The following THSD7B variants were observed in gnomAD, a reference collection of about 807,000 sequenced individuals.
The protein encoded by THSD7B is thrombospondin type 1 domain containing 7B, also known as thrombospondin type-1 domain-containing protein 7B.
In THSD7B, 138 loss-of-function variants were observed where a neutral mutation model predicts 213.6. The observed-to-expected ratio is 0.65, with a 90% CI of 0.56 to 0.74. The LOEUF is 0.74. Ranked by LOEUF, THSD7B falls within the 30% of genes least tolerant of loss-of-function variation. THSD7B has a pLI of 0.00. For missense variants in THSD7B, 1,931 were observed against 1,991.5 expected (o/e 0.97, Z 0.58); for synonymous variants, 742 against 687.0 (o/e 1.08, Z -1.25).
intron 1 of THSD7B, among the ~76,000 whole-genome samples, chr2:136,858,200 A>G (rs1683204337): frequency 6.6e-6 from 1 of 152,202 alleles, no homozygotes; most frequent in African/African-American, 2.4e-5. Flanking sequence ...TAAAGCGATG[A>G]TTATTAAATA....
chr2:137,139,407 G>C (rs1405497437), intron 5 of THSD7B, among the ~76,000 whole-genome samples: 3 of 152,154 alleles, frequency 2.0e-5, no homozygotes, highest in African/African-American at 7.2e-5. Flanking sequence ...ACACATTTCT[G>C]AGGCAATTTG....
intron 13 of THSD7B, among the ~76,000 whole-genome samples, chr2:137,407,048 A>T (rs1334837285): frequency 6.6e-6 from 1 of 152,192 alleles, no homozygotes; most frequent in East Asian, 1.9e-4. Flanking sequence ...TTCCCTGTAG[A>T]GGAAAGGGAA....
intron 2 of THSD7B, among the ~76,000 whole-genome samples, chr2:137,005,490 G>T (rs1435161330): frequency 6.6e-6 from 1 of 152,164 alleles, no homozygotes; most frequent in Non-Finnish European, 1.5e-5. Flanking sequence ...GATCTTTAAT[G>T]TGCATAGCTC....
chr2:137,236,849 GC>G (rs1436073410), intron 9 of THSD7B, among the ~76,000 whole-genome samples: 3 of 152,274 alleles, frequency 2.0e-5, no homozygotes, highest in Middle Eastern at 3.4e-3. Context: ...GGTGGCTCAT[GC>G]CTGTAATCCC....
intron 10 of THSD7B, among the ~76,000 whole-genome samples, chr2:137,263,941 G>A (rs939242569): frequency 1.3e-5 from 2 of 152,132 alleles, no homozygotes; most frequent in Admixed American, 6.5e-5. Context: ...TAAATACAAA[G>A]TTCATATTAT....
At chr2:136,825,244 C>CATTTAATGGTA (rs946678683) in intron 1 of THSD7B, among the ~76,000 whole-genome samples, 4 of 152,150 alleles carry the variant, frequency 2.6e-5, no homozygotes, top group African/African-American at 9.7e-5. Flanking sequence ...AATTACCACA[C>CATTTAATGGTA]ATTTAATGGT....
intron 2 of THSD7B, among the ~76,000 whole-genome samples, chr2:137,036,839 A>C (rs1415194061): frequency 1.3e-5 from 2 of 152,178 alleles, no homozygotes; most frequent in East Asian, 3.9e-4. Context: ...GCTGGGCTGA[A>C]CCTTTCTCTG....
At position 137,063,100 on chromosome 2, in the gene THSD7B, A is replaced by G. The variant is rs1687309152; in HGVS notation, c.950+5870A>G. 3.3e-5 allele frequency among the ~76,000 whole-genome samples: 5 copies of G among 150,334 alleles called. No homozygotes were observed. In the South Asian group the frequency reaches 1.0e-3, roughly 31 times the overall value. ...CAATTTTCTTTGCTCTAAATTCTCC[A>G]TTGTCTGGAATTATGATACCTACTC... is the stretch of plus-strand genomic sequence containing the variant. On this transcript the variant is annotated intron_variant, in intron 3 of 27. Transcript: ENST00000409968.
chr2:137,163,231 A>G (rs1680053960), intron 6 of THSD7B, among the ~76,000 whole-genome samples: 1 of 152,156 alleles, frequency 6.6e-6, no homozygotes, highest in Non-Finnish European at 1.5e-5. Context: ...CATTCATAAG[A>G]CACCACTTGC....
At position 137,127,558 on chromosome 2, in the gene THSD7B, G is replaced by A. The variant is rs554182881; in HGVS notation, c.1369+12265G>A. Among the ~76,000 whole-genome samples, 3 of 152,246 alleles carry A rather than the reference G, an allele frequency of 2.0e-5. 1 individual carries two copies. The highest frequency in any genetic ancestry group is 7.2e-5 in the African/African-American group (3 of 41,548). On this transcript the variant is annotated intron_variant, in intron 5 of 27. Transcript: ENST00000409968. ...TCTAATTCTAACCTTCTGCTGGTGG[G>A]CTACCTGATTTGGGCTTCAATTTGT... is the stretch of plus-strand genomic sequence containing the variant.
intron 1 of THSD7B, among the ~76,000 whole-genome samples, chr2:136,807,509 G>A (rs796813123): frequency 6.7e-5 from 7 of 104,896 alleles, no homozygotes; most frequent in Non-Finnish European, 1.3e-4. Flanking sequence ...AAAATGTTTC[G>A]TTTTTTTTTT....
chr2:137,643,741 AG>A (rs1380569259), intron 21 of THSD7B, among the ~76,000 whole-genome samples: 1 of 152,176 alleles, frequency 6.6e-6, no homozygotes, highest in African/African-American at 2.4e-5. Flanking sequence ...AAGCCATTTC[AG>A]GGGAAGGGAG....
intron 10 of THSD7B, among the ~76,000 whole-genome samples, chr2:137,244,864 G>A (rs1681989685): frequency 6.6e-6 from 1 of 152,192 alleles, no homozygotes; most frequent in East Asian, 1.9e-4. Flanking sequence ...CACTATAAGA[G>A]GGGGAAAAAT....
intron 16 of THSD7B, among the ~76,000 whole-genome samples, chr2:137,568,537 AAG>A (rs1681287429): frequency 6.6e-6 from 1 of 152,192 alleles, no homozygotes; most frequent in African/African-American, 2.4e-5. Context: ...TTATAAAAGA[AAG>A]AGATTTAGTT....
intron 2 of THSD7B, among the ~76,000 whole-genome samples, chr2:137,021,009 G>C (rs1029906472): frequency 6.6e-6 from 1 of 152,198 alleles, no homozygotes; most frequent in Admixed American, 6.5e-5. Flanking sequence ...TCTGTAAGCA[G>C]TTTGTCACAA....
intron 15 of THSD7B, among the ~76,000 whole-genome samples, chr2:137,547,416 C>T (rs1346166181): frequency 6.6e-6 from 1 of 151,926 alleles, no homozygotes; most frequent in Non-Finnish European, 1.5e-5. Flanking sequence ...TACATTTATA[C>T]TTTTCTACAG....
In THSD7B at chr2:137,411,770, C is replaced by G; in HGVS notation, c.2857C>G (p.Gln953Glu). ...RREPHRGLRV[Q>E]ADSKECGEGL... ...GGAGCCTCACCGAGGACTGCGGGTA[C>G]AAGCAGACAGCAAAGAATGTGGAGA... The change falls in exon 14 of 28, where the codon CAA (glutamine) becomes GAA (glutamate). Residue 953 changes from glutamine (Q) to glutamate (E), a missense_variant. Coordinates refer to ENST00000409968, the MANE Select transcript of THSD7B (RefSeq NM_001316349.2). 2 of 1,613,930 alleles carry G rather than the reference C, an allele frequency of 1.2e-6. No homozygotes were observed. The highest frequency in any genetic ancestry group is 1.7e-6 in the Non-Finnish European group (2 of 1,179,884).
At chr2:137,664,200 T>C (rs1251165393) in intron 26 of THSD7B, among the ~76,000 whole-genome samples, 1 of 152,204 alleles carries the variant, frequency 6.6e-6, no homozygotes, top group African/African-American at 2.4e-5. Context: ...TGATCTACTC[T>C]TATAACTGAA....
chr2:137,647,834 G>A (rs966441252), intron 21 of THSD7B, among the ~76,000 whole-genome samples: 16 of 152,136 alleles, frequency 1.1e-4, no homozygotes, highest in Admixed American at 1.0e-3. Context: ...GGCCAGCTTG[G>A]TAACACACTA....
Sources: allele counts gnomAD v4.1 joint callset (sites outside exome capture counted in the v4.1 genomes callset), GRCh38; gene constraint gnomAD v4.1.1; transcripts MANE v1.5; gene names NCBI Gene and HGNC (gene_info 2026-07-23, HGNC 2026-07-21).